Variants in NUMA1 observed in about 807,000 individuals in gnomAD.
The protein encoded by NUMA1 is nuclear mitotic apparatus protein 1.
A neutral mutation model predicts 237.1 loss-of-function variants in NUMA1; 62 were observed. The ratio of observed to expected loss-of-function variants is 0.26; its 90% CI spans 0.21 to 0.32. NUMA1 has a LOEUF of 0.32. Among genes scored for constraint, NUMA1 ranks in the 10% least tolerant of loss-of-function variants. The pLI is 1.00. For missense variants in NUMA1, 2,533 were observed against 2,666.5 expected, an observed-to-expected ratio of 0.95 and a Z score of 1.10; for synonymous variants, 1,028 against 1,066.1, an observed-to-expected ratio of 0.96 and a Z score of 0.70.
chr11:72,007,341 C>G lies in NUMA1; in HGVS notation c.5311G>C (p.Glu1771Gln), dbSNP rs1955801051. Residue 1771 changes from glutamate (E) to glutamine (Q), a missense_variant, in exon 21 of 27, where the codon GAG (glutamate) becomes CAG (glutamine). This residue lies in a region of NUMA1 where 795 missense variants were observed against 750.8 expected (regional missense o/e 1.06). Coordinates refer to ENST00000393695, the MANE Select transcript of NUMA1 (RefSeq NM_006185.4). ...QRLPPKVESL[E>Q]SLYFTPIPAR... is the part of the protein sequence containing the mutation. Reference sequence around the variant, plus strand: ...GGGATGGGAGTGAAGTAGAGACTCTCCAGGGATTCTACCTTGGGGGGCAGG... The same window carrying G: ...GGGATGGGAGTGAAGTAGAGACTCTGCAGGGATTCTACCTTGGGGGGCAGG... 1 of 1,613,634 alleles carries G rather than the reference C, an allele frequency of 6.2e-7. No homozygotes were observed. The highest frequency in any genetic ancestry group is 8.5e-7 in the Non-Finnish European group (1 of 1,179,830).
chr11:72,005,935 G>T, intron 22 of NUMA1, 100 bp downstream of exon 22: 2 of 1,014,660 alleles, frequency 2.0e-6, no homozygotes, highest in Non-Finnish European at 2.9e-6. Context: ...TAGCAAGGAG[G>T]CCAGCCTTGG....
chr11:72,009,490 C>T (rs554727654), intron 17 of NUMA1, 103 bp from the exon 18 acceptor site: 5 of 1,434,232 alleles, frequency 3.5e-6, no homozygotes, highest in Admixed American at 2.4e-5. Flanking sequence ...GACTCCTGCA[C>T]TTTCTTAGGA....
intron 2 of NUMA1, among the ~76,000 whole-genome samples, chr11:72,054,291 C>T (rs1052336871): frequency 6.6e-6 from 1 of 151,738 alleles, no homozygotes; most frequent in Non-Finnish European, 1.5e-5. Flanking sequence ...CATGGTGAAA[C>T]CCTGTCTCCA....
chr11:72,078,811 C>T (rs959363209), intron 1 of NUMA1, among the ~76,000 whole-genome samples: 1 of 151,992 alleles, frequency 6.6e-6, no homozygotes, highest in Non-Finnish European at 1.5e-5. Flanking sequence ...TCTGTGCTGA[C>T]AGAAAGCTAC....
intron 2 of NUMA1, among the ~76,000 whole-genome samples, chr11:72,057,402 T>C (rs923743722): frequency 6.6e-6 from 1 of 152,218 alleles, no homozygotes; most frequent in Non-Finnish European, 1.5e-5. Context: ...GACTTTCATA[T>C]TTCTTTACTT....
intron 4 of NUMA1, 119 bp downstream of exon 4, chr11:72,029,086 C>A: frequency 1.4e-6 from 1 of 690,642 alleles, no homozygotes; most frequent in Non-Finnish European, 2.4e-6. Flanking sequence ...CTTATGATGT[C>A]CCAATCCTTC....
At chr11:72,071,577 G>C (rs1219605639) in intron 1 of NUMA1, among the ~76,000 whole-genome samples, 1 of 152,186 alleles carries the variant, frequency 6.6e-6, no homozygotes, top group Non-Finnish European at 1.5e-5. Context: ...AGACATCACT[G>C]GGAAAAGATG....
chr11:72,050,753 T>A (rs1192007273), intron 2 of NUMA1: 1 of 152,178 alleles, frequency 6.6e-6, no homozygotes, highest in Admixed American at 6.5e-5. Flanking sequence ...CTCAGCTACA[T>A]CCTCTATCTT....
At chr11:72,020,931 T>A in intron 8 of NUMA1, 1 of 358,898 alleles carries the variant, frequency 2.8e-6, no homozygotes. Flanking sequence ...CCTAGAGTAA[T>A]GATTGTTTAA....
At chr11:72,008,442 A>C (rs1590871141) in intron 20 of NUMA1, 1 of 522,578 alleles carries the variant, frequency 1.9e-6, no homozygotes, top group Non-Finnish European at 3.5e-6. Context: ...CTTCTCGTCA[A>C]CCTGGCACAC....
At chr11:72,029,322 C>G (rs768067244) in intron 3 of NUMA1, 32 bp from the exon 4 acceptor site, 1 of 1,396,722 alleles carries the variant, frequency 7.2e-7, no homozygotes, top group Non-Finnish European at 9.6e-7. Flanking sequence ...CTAGTGAGAC[C>G]GTTAGAAGCA....
chr11:72,074,689 T>G (rs1263076725), intron 1 of NUMA1, among the ~76,000 whole-genome samples: 1 of 152,010 alleles, frequency 6.6e-6, no homozygotes, highest in Non-Finnish European at 1.5e-5. Flanking sequence ...CAGTGAGCTA[T>G]GATGACGCCA....
intron 1 of NUMA1, 81 bp from the exon 2 acceptor site, chr11:72,069,992 C>T (rs941719846): frequency 1.3e-5 from 2 of 152,126 alleles, no homozygotes; most frequent in African/African-American, 4.8e-5. Flanking sequence ...CTCACATTAT[C>T]CTGGGCAACC....
At chr11:72,071,283 T>TTTA (rs1405873307) in intron 1 of NUMA1, among the ~76,000 whole-genome samples, 4 of 152,358 alleles carry the variant, frequency 2.6e-5, no homozygotes, top group Non-Finnish European at 5.9e-5. Context: ...AAGTGCTAAA[T>TTTA]TATATACTGT....
At chr11:72,011,876 G>A (rs995495514) in intron 16 of NUMA1, among the ~76,000 whole-genome samples, 5 of 151,948 alleles carry the variant, frequency 3.3e-5, no homozygotes, top group South Asian at 2.1e-4. Flanking sequence ...TGCTGTGCTC[G>A]GGGTTAGAGC....
rs576383117 is a variant in NUMA1 at position 72,062,905 on chromosome 11, T to TA, written c.-33+6936dup. Among the ~76,000 whole-genome samples, 362 of 151,730 alleles carry TA rather than the reference T, an allele frequency of 2.4e-3. 1 individual carries two copies. The highest frequency in any genetic ancestry group is 0.017 in the Middle Eastern group (5 of 288). On this transcript the variant is annotated intron_variant, in intron 2 of 26. Transcript: ENST00000393695. ...CTGACCAACATGGAGAAACCCGTCT[T>TA]AAAAAAATACAAAATTAGCTGGGCG...
intron 21 of NUMA1, 133 bp from the exon 22 acceptor site, chr11:72,006,396 T>C: frequency 1.4e-6 from 1 of 699,212 alleles, no homozygotes; most frequent in Middle Eastern, 3.4e-4. Flanking sequence ...GTCCTTAAAG[T>C]GTGTGTCTGC....
intron 3 of NUMA1, among the ~76,000 whole-genome samples, chr11:72,029,620 CAGGG>C (rs1940033717): frequency 6.6e-6 from 1 of 152,208 alleles, no homozygotes; most frequent in African/African-American, 2.4e-5. Context: ...AACTTGACAG[CAGGG>C]AGTCTGAGGT....
chr11:72,007,243 C>G lies in NUMA1; in HGVS notation c.5409G>C (p.Lys1803Asn). 1 of 1,612,518 alleles carries G rather than the reference C, an allele frequency of 6.2e-7. No homozygotes were observed. The highest frequency in any genetic ancestry group is 8.5e-7 in the Non-Finnish European group (1 of 1,179,638). ...LGDVFLDSGR[K>N]TRSARRRTTQ... ...TGGTGCGCCGACGAGCGGAGCGGGT[C>G]TTACGACCCGAGTCCAGGAAGACGT... Residue 1803 changes from lysine to asparagine, a missense_variant, in exon 21 of 27, where the codon AAG (lysine) becomes AAC (asparagine). Physicochemically the swap from Lys to Asn is moderately conservative, Grantham distance 94. Transcript: ENST00000393695.
Sources: allele counts gnomAD v4.1 joint callset (sites outside exome capture counted in the v4.1 genomes callset), GRCh38; gene constraint gnomAD v4.1.1; regional missense constraint gnomAD v4.1.1; transcripts MANE v1.5; gene names NCBI Gene and HGNC (gene_info 2026-07-23, HGNC 2026-07-21).